Variants in CNP observed in about 807,000 individuals in gnomAD.
CNP encodes 2',3'-cyclic-nucleotide 3'-phosphodiesterase.
A neutral mutation model predicts 37.9 loss-of-function variants in CNP; 8 were observed. That is an observed-to-expected ratio of 0.21 (90% confidence interval 0.12 to 0.38). The LOEUF is 0.38. Among genes scored for constraint, CNP ranks in the 10% least tolerant of loss-of-function variants. The pLI, the probability that CNP is intolerant of heterozygous loss-of-function variation, is 1.00. For synonymous variants in CNP, 237 were observed against 238.3 expected (o/e 0.99, Z 0.05); for missense variants, 457 against 551.0 (o/e 0.83, Z 1.71).
chr17:41,967,788 C>G, intron 1 of CNP: 1 of 1,258,206 alleles, frequency 7.9e-7, no homozygotes, highest in Non-Finnish European at 1.0e-6. Context: ...AGGCCAGTCC[C>G]AGAACCGCAG....
In CNP at chr17:41,977,292, G is replaced by A. The variant is rs1177827224; in HGVS notation, c.*3368G>A. 1 of 1,584,966 alleles carries A rather than the reference G, an allele frequency of 6.3e-7. No homozygotes were observed. Among genetic ancestry groups the A allele is most frequent in the Non-Finnish European group, 8.6e-7 (1 of 1,165,704 alleles). On this transcript the variant is annotated 3_prime_UTR_variant, in exon 4 of 4. Transcript: ENST00000393892. ...AGCTGAAGCCGCCAGGACCGCCAAA[G>A]AATGCCTTGAAGATATTGTTTGGAT...
intron 2 of CNP, chr17:41,971,633 T>C (rs1038779418): frequency 1.0e-5 from 3 of 286,404 alleles, no homozygotes; most frequent in African/African-American, 2.2e-5. Flanking sequence ...TTCCTGACCT[T>C]GTGATCCACC....
rs201303711 is a variant in CNP, at chr17:41,968,119, C to T, written c.55C>T (p.Arg19Cys). Residue 19 changes from arginine (R) to cysteine (C), a missense_variant, in exon 2 of 4, where the codon CGC becomes TGC. Arg to Cys is a radical substitution (Grantham distance 180). Transcript: ENST00000393892. This position sits in a 1 kb window ranked among gnomAD's most constrained non-coding sequence, Gnocchi z 4.8. The part of the protein sequence containing the change: ...SHTFLPKIFF[R>C]KMSSSGAKDK... ...CACATTCCTGCCCAAGATCTTCTTCCGCAAGATGTCATCCTCAGGGGCCAA... is the reference window on the plus strand; with the variant it reads ...CACATTCCTGCCCAAGATCTTCTTCTGCAAGATGTCATCCTCAGGGGCCAA... 9 of 1,614,204 alleles carry T rather than the reference C, an allele frequency of 5.6e-6. No homozygotes were observed. In the East Asian group the frequency reaches 1.1e-4, roughly 20 times the overall value.
chr17:41,968,322 C>T lies in CNP; in HGVS notation c.258C>T (p.Tyr86=), dbSNP rs143924216. 890 of 1,614,126 alleles carry T rather than the reference C, an allele frequency of 5.5e-4. 4 individuals are homozygous for T. The African/African-American group carries it at 0.01, about 19-fold the overall frequency. ...CCAAGATGGTGTCGGCTGACGCTTACAAGATCACCCCCGGCGCTCGAGGAG... is the reference window on the plus strand; with the variant it reads ...CCAAGATGGTGTCGGCTGACGCTTATAAGATCACCCCCGGCGCTCGAGGAG... ...DGTKMVSADA[Y]KITPGARGAF... Residue 86 remains tyrosine (Y), a synonymous_variant, in exon 2 of 4, where the codon TAC becomes TAT. Transcript: ENST00000393892. This position sits in a 1 kb window ranked among gnomAD's most constrained non-coding sequence, Gnocchi z 4.8.
At chr17:41,966,945 G>A in intron 1 of CNP, 58 bp downstream of exon 1, 10 of 1,275,356 alleles carry the variant, frequency 7.8e-6, no homozygotes, top group Non-Finnish European at 9.9e-6. Flanking sequence ...ACGAGTGTCG[G>A]GGCCCCTCGG....
In CNP at chr17:41,974,004, ATTTTTTTTT is replaced by A; in HGVS notation, c.*92_*100del. 1.2e-6 allele frequency: 1 copy of A among 838,222 alleles called. No homozygotes were observed. Among genetic ancestry groups the A allele is most frequent in the Non-Finnish European group, 1.6e-6 (1 of 630,002 alleles). 51.9% of individuals were successfully genotyped at this position (838,222 alleles called of 1,614,324 possible). On this transcript the variant is annotated 3_prime_UTR_variant, in exon 4 of 4. Coordinates refer to ENST00000393892, the MANE Select transcript of CNP (RefSeq NM_033133.5). Reference sequence around the variant, plus strand: ...CTCTGTTTGATCCTTGTTTTGTGACATTTTTTTTTTTTTTTTTTTTACTCAAAGTTAACC... The same window carrying A: ...CTCTGTTTGATCCTTGTTTTGTGACATTTTTTTTTTTACTCAAAGTTAACC...
chr17:41,971,790 C>T (rs782086894), intron 2 of CNP, 102 bp from the exon 3 acceptor site: 141 of 1,477,334 alleles, frequency 9.5e-5, no homozygotes, highest in Non-Finnish European at 1.3e-4. Context: ...AGAGGTGATG[C>T]TTAGTGTCCG....
chr17:41,977,154 A>G lies in CNP; in HGVS notation c.*3230A>G. ...TAGATGCCCTGCTAGATGAGAATTC[A>G]GCTGCCCCCGCTCATGGGCCCCTCT... is the stretch of plus-strand genomic sequence containing the variant. On this transcript the variant is annotated 3_prime_UTR_variant, in exon 4 of 4. Coordinates refer to ENST00000393892, the MANE Select transcript of CNP (RefSeq NM_033133.5). The G allele has an allele frequency of 8.8e-7, 1 of 1,134,286 alleles. No homozygotes were observed. The highest frequency in any genetic ancestry group is 1.3e-6 in the Non-Finnish European group (1 of 784,344). The allele number at this position is 1,134,286 out of a possible 1,614,324, so 70.3% of individuals were successfully genotyped here.
chr17:41,968,284 T>C lies in CNP; in HGVS notation c.220T>C (p.Tyr74His). 6.2e-7 allele frequency: 1 copy of C among 1,614,038 alleles called. No individual in the cohort carries two copies. Among genetic ancestry groups the C allele is most frequent in the Non-Finnish European group, 8.5e-7 (1 of 1,179,980 alleles). The change falls in exon 2 of 4, where the codon TAC becomes CAC. Residue 74 changes from tyrosine (Y) to histidine (H), a missense_variant. Coordinates refer to ENST00000393892, the MANE Select transcript of CNP (RefSeq NM_033133.5). The surrounding 1 kb of genome is among the most constrained non-coding windows in gnomAD (Gnocchi z 4.8). ...STLARVIVDK[Y>H]RDGTKMVSAD... is the part of the protein sequence containing the mutation. The stretch of plus-strand genomic sequence containing the variant: ...GCTGGCACGGGTCATCGTGGACAAG[T>C]ACCGTGATGGCACCAAGATGGTGTC...
chr17:41,972,956 T>G (rs1555644031), intron 3 of CNP, among the ~76,000 whole-genome samples: 3 of 152,094 alleles, frequency 2.0e-5, no homozygotes, highest in African/African-American at 7.2e-5. Flanking sequence ...AAGAGCAGGT[T>G]TCCATCAAGG....
chr17:41,968,307 G>A lies in CNP; in HGVS notation c.243G>A (p.Val81=), dbSNP rs1043767606. The A allele has an allele frequency of 6.2e-7, 1 of 1,614,084 alleles. No homozygotes were observed. The highest frequency in any genetic ancestry group is 1.3e-5 in the African/African-American group (1 of 75,058). Residue 81 remains valine, a synonymous_variant, in exon 2 of 4, where the codon GTG becomes GTA. Coordinates refer to ENST00000393892, the MANE Select transcript of CNP (RefSeq NM_033133.5). This position sits in a 1 kb window ranked among gnomAD's most constrained non-coding sequence, Gnocchi z 4.8. ...AGTACCGTGATGGCACCAAGATGGT[G>A]TCGGCTGACGCTTACAAGATCACCC... is the stretch of plus-strand genomic sequence containing the variant. ...VDKYRDGTKM[V]SADAYKITPG... is the part of the protein sequence containing the mutation.
Position 41,976,703 on chromosome 17 carries a change from A to C in CNP, c.*2779A>C. ...TCAAGATTAAACTGAGTGAATCTGCATTTTCTGGGTTCTGGGTGGTTGCCC... is the reference window on the plus strand; with the variant it reads ...TCAAGATTAAACTGAGTGAATCTGCCTTTTCTGGGTTCTGGGTGGTTGCCC... On this transcript the variant is annotated 3_prime_UTR_variant, in exon 4 of 4. Transcript: ENST00000393892. The C allele has an allele frequency of 6.2e-7, 1 of 1,606,240 alleles. No homozygotes were observed. The highest frequency in any genetic ancestry group is 8.5e-7 in the Non-Finnish European group (1 of 1,178,238).
chr17:41,977,214 T>G lies in CNP; in HGVS notation c.*3290T>G. 21 of 1,546,970 alleles carry G rather than the reference T, an allele frequency of 1.4e-5. No homozygotes were observed. The highest frequency in any genetic ancestry group is 1.8e-5 in the Non-Finnish European group (21 of 1,140,678). On this transcript the variant is annotated 3_prime_UTR_variant, in exon 4 of 4. Transcript: ENST00000393892. ...AGAGCTGCCTAAGAGGCAATGAGTG[T>G]GTTGGCTTGTGATCTGGGAACTCCC...
rs1181610368 is a variant in CNP at position 41,976,790 on chromosome 17, T to C, written c.*2866T>C. On this transcript the variant is annotated 3_prime_UTR_variant, in exon 4 of 4. Transcript: ENST00000393892. ...CAGATGCTGAAAGAGAAAAGAGGGG[T>C]TGGTAGTTGGCTATGGATTTTCTAA... The C allele has an allele frequency of 4.4e-6, 7 of 1,606,094 alleles. No individual in the cohort carries two copies. Among genetic ancestry groups the C allele is most frequent in the Non-Finnish European group, 5.9e-6 (7 of 1,178,216 alleles).
rs368980681 is a variant in CNP at position 41,968,269 on chromosome 17, G to A, written c.205G>A (p.Val69Ile). ...PGSGKSTLAR[V>I]IVDKYRDGTK... is the part of the protein sequence containing the mutation. ...AAGCGGCAAGTCCACGCTGGCACGG[G>A]TCATCGTGGACAAGTACCGTGATGG... Residue 69 changes from valine to isoleucine, a missense_variant, in exon 2 of 4, where the codon GTC becomes ATC. Coordinates refer to ENST00000393892, the MANE Select transcript of CNP (RefSeq NM_033133.5). The surrounding 1 kb of genome is among the most constrained non-coding windows in gnomAD (Gnocchi z 4.8). 24 of 1,613,992 alleles carry A rather than the reference G, an allele frequency of 1.5e-5. No individual in the cohort carries two copies. The highest frequency in any genetic ancestry group is 4.0e-5 in the African/African-American group (3 of 74,926).
At position 41,973,778 on chromosome 17, in the gene CNP, T is replaced by A. The variant is rs782698086; in HGVS notation, c.1120T>A (p.Ser374Thr). The A allele has an allele frequency of 4.5e-5, 73 of 1,612,690 alleles. No homozygotes were observed. Among genetic ancestry groups the A allele is most frequent in the Admixed American group, 1.3e-4 (8 of 59,832 alleles). ...VGELSRGKLYSLGNGRWMLTL... is the reference protein window; with the variant it reads ...VGELSRGKLYTLGNGRWMLTL... ...CGAGCTAAGCCGGGGCAAGCTCTAT[T>A]CCTTGGGCAATGGGCGCTGGATGCT... The change falls in exon 4 of 4, where the codon TCC (serine) becomes ACC (threonine). Residue 374 changes from serine to threonine, a missense_variant. Ser to Thr is a moderately conservative substitution (Grantham distance 58, BLOSUM62 1). Transcript: ENST00000393892.
Position 41,973,640 on chromosome 17 carries a change from C to T in CNP, c.982C>T (p.Arg328Cys), listed in dbSNP as rs372024910. The stretch of plus-strand genomic sequence containing the variant: ...CACTGACAACCTGCCGCGGGGGAGC[C>T]GCGCCCACATCACCCTCGGCTGTGC... ...SPTDNLPRGS[R>C]AHITLGCAAD... Residue 328 changes from arginine to cysteine, a missense_variant, in exon 4 of 4, where the codon CGC becomes TGC. Around this residue, in one of 2 missense-constraint regions of CNP, gnomAD observed 291 missense variants for 291.7 expected, o/e 1.00. Coordinates refer to ENST00000393892, the MANE Select transcript of CNP (RefSeq NM_033133.5). 160 of 1,614,028 alleles carry T rather than the reference C, an allele frequency of 9.9e-5. No individual in the cohort carries two copies. Among genetic ancestry groups the T allele is most frequent in the Middle Eastern group, 1.6e-4 (1 of 6,084 alleles).
chr17:41,974,701 T>C lies in CNP; in HGVS notation c.*777T>C, dbSNP rs1336855305. 6.6e-6 allele frequency: 1 copy of C among 152,570 alleles called. No homozygotes were observed. The highest frequency in any genetic ancestry group is 2.4e-5 in the African/African-American group (1 of 41,468). 9.5% of individuals were successfully genotyped at this position (152,570 alleles called of 1,614,324 possible). On this transcript the variant is annotated 3_prime_UTR_variant, in exon 4 of 4. Transcript: ENST00000393892. The stretch of plus-strand genomic sequence containing the variant: ...ATAACTAGGGAAGAAAGCAGAACAG[T>C]TAAGCAGCCGCCACATCCCCGCTGG...
rs1322788321 is a variant in CNP at position 41,975,406 on chromosome 17, A to C, written c.*1482A>C. On this transcript the variant is annotated 3_prime_UTR_variant, in exon 4 of 4. Transcript: ENST00000393892. ...AGAAGGTGGGGGTTGGCTGGGTACG[A>C]GGGATGTGGAGCACAAAAGCCTCTC... 3 of 152,648 alleles carry C rather than the reference A, an allele frequency of 2.0e-5. No homozygotes were observed. Among genetic ancestry groups the C allele is most frequent in the Non-Finnish European group, 4.4e-5 (3 of 68,080 alleles). The allele number at this position is 152,648 out of a possible 1,614,324, so 9.5% of individuals were successfully genotyped here.
Sources: allele counts gnomAD v4.1 joint callset (sites outside exome capture counted in the v4.1 genomes callset), GRCh38; gene constraint gnomAD v4.1.1; regional missense constraint gnomAD v4.1.1; non-coding constraint Gnocchi (gnomAD v3.1); transcripts MANE v1.5; gene names NCBI Gene and HGNC (gene_info 2026-07-23, HGNC 2026-07-21).